Variants in MAST4 observed in about 807,000 individuals in gnomAD.
MAST4 encodes the protein microtubule associated serine/threonine kinase family member 4.
MAST4 carries 89 observed loss-of-function variants against 162.7 expected under a neutral mutation model. That is an observed-to-expected ratio of 0.55 (90% CI 0.46 to 0.65). MAST4 has a LOEUF of 0.65. Ranked by LOEUF, MAST4 falls within the 30% of genes least tolerant of loss-of-function variation. The pLI, the probability that MAST4 is intolerant of heterozygous loss-of-function variation, is 0.00. For missense variants in MAST4, 3,153 were observed against 3,374.0 expected (o/e 0.93, Z 1.62); for synonymous variants, 1,479 against 1,361.1 (o/e 1.09, Z -1.91).
At chr5:66,809,045 A>T (rs1756345758) in intron 3 of MAST4, among the ~76,000 whole-genome samples, 1 of 152,218 alleles carries the variant, frequency 6.6e-6, no homozygotes, top group African/African-American at 2.4e-5. Flanking sequence ...GATCAGAGGG[A>T]TCATTCCTAA....
chr5:67,072,358 TC>T (rs1202155383), intron 5 of MAST4, among the ~76,000 whole-genome samples: 2 of 152,164 alleles, frequency 1.3e-5, no homozygotes, highest in African/African-American at 4.8e-5. Flanking sequence ...AAATTAAACA[TC>T]CATTTCTGCT....
At chr5:66,931,734 T>C (rs1301614369) in intron 4 of MAST4, among the ~76,000 whole-genome samples, 3 of 152,106 alleles carry the variant, frequency 2.0e-5, no homozygotes, top group Non-Finnish European at 4.4e-5. Flanking sequence ...CGTTGCTGCC[T>C]GAAAGGCATG....
At chr5:67,094,553 G>A (rs1267197689) in intron 6 of MAST4, among the ~76,000 whole-genome samples, 7 of 151,992 alleles carry the variant, frequency 4.6e-5, no homozygotes, top group African/African-American at 1.7e-4. Flanking sequence ...TTTAAAGTGT[G>A]TTTTTCCTTT....
intron 3 of MAST4, among the ~76,000 whole-genome samples, chr5:66,873,796 G>A (rs1356167245): frequency 6.6e-6 from 1 of 152,058 alleles, no homozygotes; most frequent in Non-Finnish European, 1.5e-5. Flanking sequence ...TGAGATTTTC[G>A]ACTGCTATTT....
At chr5:66,703,242 A>G (rs1288880634) in intron 1 of MAST4, among the ~76,000 whole-genome samples, 1 of 152,202 alleles carries the variant, frequency 6.6e-6, no homozygotes, top group Non-Finnish European at 1.5e-5. Flanking sequence ...TTCGGGAAGA[A>G]GATGACGCTG....
intron 5 of MAST4, among the ~76,000 whole-genome samples, chr5:67,078,616 A>G (rs1281401459): frequency 7.0e-6 from 1 of 142,712 alleles, no homozygotes; most frequent in Non-Finnish European, 1.5e-5. Flanking sequence ...CTGGAAATAT[A>G]TATTTATATA....
chr5:66,693,116 A>G (rs1437574853), intron 1 of MAST4, among the ~76,000 whole-genome samples: 1 of 152,052 alleles, frequency 6.6e-6, no homozygotes, highest in Non-Finnish European at 1.5e-5. Flanking sequence ...GCTCTATTTA[A>G]TATGTTATTG....
At position 67,037,822 on chromosome 5, in the gene MAST4, T is replaced by A. The variant is rs552351132; in HGVS notation, c.675-16582T>A. ...AGATAGAGTTATCATTTATAATTAA[T>A]ATATCATTAATTCTTTCTAACTATG... On this transcript the variant is annotated intron_variant, in intron 4 of 28. Transcript: ENST00000403625. Among the ~76,000 whole-genome samples, 4 of 152,254 alleles carry A rather than the reference T, an allele frequency of 2.6e-5. No homozygotes were observed. The South Asian group carries it at 8.3e-4, about 32-fold the overall frequency.
chr5:67,162,808 TA>T lies in MAST4; in HGVS notation c.3967+23del, dbSNP rs1288111442. 1 of 1,609,926 alleles carries T rather than the reference TA, an allele frequency of 6.2e-7. No homozygotes were observed. The highest frequency in any genetic ancestry group is 2.2e-5 in the East Asian group (1 of 44,848). On this transcript the variant is annotated intron_variant, in intron 28 of 28. Coordinates refer to ENST00000403625, the MANE Select transcript of MAST4 (RefSeq NM_001164664.2). ...CATCTGGTGAGTGAGTCTCCTGGTC[TA>T]AACAGCAGAGGGGAGGGGAGGTAAA...
intron 4 of MAST4, chr5:66,963,703 T>A: frequency 1.3e-6 from 1 of 779,834 alleles, no homozygotes; most frequent in Non-Finnish European, 2.4e-6. Context: ...ATTTTAACTT[T>A]CAGTCTCACT....
At chr5:67,144,614 T>A in intron 21 of MAST4, 55 bp from the exon 22 acceptor site, 1 of 1,580,900 alleles carries the variant, frequency 6.3e-7, no homozygotes, top group Non-Finnish European at 8.6e-7. Context: ...TGGAGTGTTT[T>A]TCTGACAAAC....
In MAST4 at chr5:67,145,282, G is replaced by C; in HGVS notation, c.2997G>C (p.Glu999Asp). 3 of 1,613,970 alleles carry C rather than the reference G, an allele frequency of 1.9e-6. No individual in the cohort carries two copies. The highest frequency in any genetic ancestry group is 2.5e-6 in the Non-Finnish European group (3 of 1,179,880). ...CCTCCTGCCCTGGAGACCCCCATGA[G>C]GAGCCAGGAAAGCCAGCCCTTCCTC... ...EAASCPGDPH[E>D]EPGKPALPPE... The change falls in exon 23 of 29, where the codon GAG (glutamate) becomes GAC (aspartate). Residue 999 changes from glutamate (E) to aspartate (D), a missense_variant. By Grantham distance (45) the Glu-to-Asp change is conservative (BLOSUM62 2). Coordinates refer to ENST00000403625, the MANE Select transcript of MAST4 (RefSeq NM_001164664.2).
Position 67,031,693 on chromosome 5 carries a change from G to A in MAST4, c.675-22711G>A, listed in dbSNP as rs114726865. 1.9e-3 allele frequency among the ~76,000 whole-genome samples: 289 copies of A among 152,246 alleles called. 3 individuals are homozygous for A. The highest frequency in any genetic ancestry group is 6.6e-3 in the African/African-American group (273 of 41,554). ...TGATCTGTTAGCTGGAGAAAGAGCAGGAATCATCTTGTTCCCATATCCCTA... is the reference window on the plus strand; with the variant it reads ...TGATCTGTTAGCTGGAGAAAGAGCAAGAATCATCTTGTTCCCATATCCCTA... On this transcript the variant is annotated intron_variant, in intron 4 of 28. Coordinates refer to ENST00000403625, the MANE Select transcript of MAST4 (RefSeq NM_001164664.2).
At chr5:67,075,057 C>G (rs1217312245) in intron 5 of MAST4, among the ~76,000 whole-genome samples, 3 of 152,062 alleles carry the variant, frequency 2.0e-5, no homozygotes, top group African/African-American at 7.2e-5. Context: ...TAGTCAGCCC[C>G]ATGGTAGTGC....
intron 1 of MAST4, among the ~76,000 whole-genome samples, chr5:66,602,046 C>A (rs1313124188): frequency 2.0e-5 from 3 of 152,110 alleles, no homozygotes; most frequent in Non-Finnish European, 4.4e-5. Context: ...GTGTGAAATA[C>A]AATATGAAAA....
chr5:66,708,959 C>T (rs1181849976), intron 1 of MAST4, among the ~76,000 whole-genome samples: 1 of 152,016 alleles, frequency 6.6e-6, no homozygotes, highest in African/African-American at 2.4e-5. Flanking sequence ...ATAATTATGT[C>T]CTGTGCAGGC....
intron 3 of MAST4, among the ~76,000 whole-genome samples, chr5:66,853,745 GA>G (rs1379140198): frequency 6.6e-6 from 1 of 152,156 alleles, no homozygotes; most frequent in Non-Finnish European, 1.5e-5. Flanking sequence ...TGAATGGAAG[GA>G]AAAGACCTAA....
intron 1 of MAST4, among the ~76,000 whole-genome samples, chr5:66,672,280 G>A (rs753882019): frequency 1.3e-4 from 20 of 152,272 alleles, no homozygotes; most frequent in Middle Eastern, 3.4e-3. Flanking sequence ...CACCTGGGAA[G>A]CATCATCTTT....
At chr5:67,092,419 A>T (rs1051639128) in intron 6 of MAST4, among the ~76,000 whole-genome samples, 3 of 152,224 alleles carry the variant, frequency 2.0e-5, no homozygotes, top group Non-Finnish European at 2.9e-5. Flanking sequence ...TATCGAATTA[A>T]TTTTTTACTA....
Sources: allele counts gnomAD v4.1 joint callset (sites outside exome capture counted in the v4.1 genomes callset), GRCh38; gene constraint gnomAD v4.1.1; transcripts MANE v1.5; gene names NCBI Gene and HGNC (gene_info 2026-07-23, HGNC 2026-07-21).